Variants in COL9A1 observed in about 807,000 individuals in gnomAD.
COL9A1 encodes the protein collagen alpha-1(IX) chain.
In COL9A1, 104 loss-of-function variants were observed where a neutral mutation model predicts 142.6. The ratio of observed to expected loss-of-function variants is 0.73; its 90% CI spans 0.62 to 0.86. COL9A1 has a LOEUF of 0.86. COL9A1 is among the 40% of genes least tolerant of loss of function. The pLI is 0.00. For missense variants in COL9A1, 1,210 were observed against 1,176.6 expected, an observed-to-expected ratio of 1.03 and a Z score of -0.42; for synonymous variants, 466 against 396.0, an observed-to-expected ratio of 1.18 and a Z score of -2.10.
rs202054376 is a variant in COL9A1, at chr6:70,302,204, CT to C, written c.15-131del. 0.077 allele frequency: 26,860 copies of C among 346,618 alleles called. 7 individuals carry two copies. Among genetic ancestry groups the C allele is most frequent in the Non-Finnish European group, 0.092 (16,972 of 184,090 alleles). 21.5% of individuals were successfully genotyped at this position (346,618 alleles called of 1,614,324 possible). On this transcript the variant is annotated intron_variant, in intron 1 of 37. Transcript: ENST00000357250. ...TCACAGTATAGTTTTTTTTTCATTT[CT>C]TTTTTTTTTTTTTTTTTTTTTTGAG...
intron 36 of COL9A1, among the ~76,000 whole-genome samples, chr6:70,229,098 C>T (rs1002890188): frequency 6.6e-6 from 1 of 152,092 alleles, no homozygotes; most frequent in African/African-American, 2.4e-5. Flanking sequence ...AATGTTGCTT[C>T]GAGGACTAAG....
intron 36 of COL9A1, among the ~76,000 whole-genome samples, 183 bp from the exon 37 acceptor site, chr6:70,226,192 GA>G (rs1446797523): frequency 2.0e-5 from 3 of 152,102 alleles, no homozygotes; most frequent in African/African-American, 4.8e-5. Flanking sequence ...TCTAAGGGGG[GA>G]AAATCAAATT....
At chr6:70,229,369 G>T (rs1769410636) in intron 36 of COL9A1, among the ~76,000 whole-genome samples, 1 of 152,126 alleles carries the variant, frequency 6.6e-6, no homozygotes, top group South Asian at 2.1e-4. Flanking sequence ...TAAAGAGCTT[G>T]TAAAATAAGC....
chr6:70,286,033 C>T (rs1250938608), intron 5 of COL9A1, among the ~76,000 whole-genome samples: 4 of 152,232 alleles, frequency 2.6e-5, no homozygotes, highest in Middle Eastern at 3.4e-3. Context: ...GGACAACAGG[C>T]GCCCACCACC....
chr6:70,281,582 G>A, intron 7 of COL9A1, 118 bp from the exon 8 acceptor site: 7 of 744,056 alleles, frequency 9.4e-6, no homozygotes, highest in Non-Finnish European at 1.5e-5. Flanking sequence ...GAGGAGGCCG[G>A]GTTTTGCAAC....
At chr6:70,224,169 A>G (rs1769077216) in intron 37 of COL9A1, among the ~76,000 whole-genome samples, 1 of 152,218 alleles carries the variant, frequency 6.6e-6, no homozygotes, top group African/African-American at 2.4e-5. Flanking sequence ...AAGCGATCCT[A>G]GGGAGGGCTG....
At chr6:70,299,935 T>A (rs1020551450) in intron 4 of COL9A1, 108 bp downstream of exon 4, 6 of 1,096,700 alleles carry the variant, frequency 5.5e-6, no homozygotes, top group Non-Finnish European at 8.2e-6. Flanking sequence ...TTAAATACAA[T>A]TATAATCCAA....
At chr6:70,292,224 A>G (rs1013249907) in intron 5 of COL9A1, among the ~76,000 whole-genome samples, 2 of 152,138 alleles carry the variant, frequency 1.3e-5, no homozygotes, top group Admixed American at 1.3e-4. Context: ...CACCTCCACC[A>G]TCATCAGCCA....
Position 70,281,377 on chromosome 6 carries a change from G to A in COL9A1, c.876+13C>T, listed in dbSNP as rs117215769. The A allele has an allele frequency of 0.057, 92,573 of 1,610,872 alleles. 3,111 individuals are homozygous for A. The highest frequency in any genetic ancestry group is 0.067 in the Non-Finnish European group (78,814 of 1,177,776). On this transcript the variant is annotated intron_variant, in intron 8 of 37. Transcript: ENST00000357250. Reference sequence around the variant, plus strand: ...GACTGGGGAACAGAGGTGGCCTGGAGATAGAAACTTACGTCGATGCCATCG... The same window carrying A: ...GACTGGGGAACAGAGGTGGCCTGGAAATAGAAACTTACGTCGATGCCATCG...
intron 33 of COL9A1, among the ~76,000 whole-genome samples, chr6:70,235,477 A>G (rs1191043243): frequency 6.6e-6 from 1 of 151,728 alleles, no homozygotes; most frequent in African/African-American, 2.4e-5. Context: ...TAATAATAAT[A>G]ATCTTTCTTT....
At position 70,216,647 on chromosome 6, in the gene COL9A1, T is replaced by G; in HGVS notation, c.*250A>C. ...TATAAATTTATTCAAGGGAGGTGTTTGGTTTTCTTTTTTTTTTTTTAACTG... is the reference window on the plus strand; with the variant it reads ...TATAAATTTATTCAAGGGAGGTGTTGGGTTTTCTTTTTTTTTTTTTAACTG... On this transcript the variant is annotated 3_prime_UTR_variant, in exon 38 of 38. Coordinates refer to ENST00000357250, the MANE Select transcript of COL9A1 (RefSeq NM_001851.6). The G allele has an allele frequency of 3.9e-6, 2 of 517,402 alleles. No individual in the cohort carries two copies. The highest frequency in any genetic ancestry group is 6.9e-6 in the Non-Finnish European group (2 of 289,320). 32.1% of individuals were successfully genotyped at this position (517,402 alleles called of 1,614,324 possible).
intron 36 of COL9A1, among the ~76,000 whole-genome samples, chr6:70,229,439 G>A (rs866735152): frequency 2.6e-5 from 4 of 152,208 alleles, no homozygotes; most frequent in Admixed American, 6.5e-5. Flanking sequence ...CATTATGAAC[G>A]AGTGGAAATT....
Position 70,280,862 on chromosome 6 carries a change from CA to C in COL9A1, c.924del (p.Glu309AsnfsTer19), listed in dbSNP as rs1331918224. On this transcript the variant is annotated frameshift_variant, in exon 10 of 38. Transcript: ENST00000357250. LOFTEE classifies it high-confidence loss of function. ...KGPPGPPGPAGEPGKPGAPGK... is the reference protein window; with the variant it reads ...KGPPGPPGPAXEPGKPGAPGK... ...CCTGGAGCTCCTGGCTTTCCCGGTT[CA>C]CCTGCAGGACCCTGAGCAGGGGCAG... 1 of 1,613,532 alleles carries C rather than the reference CA, an allele frequency of 6.2e-7. No individual in the cohort carries two copies.
intron 11 of COL9A1, 120 bp downstream of exon 11, chr6:70,274,599 T>C: frequency 3.8e-6 from 3 of 796,150 alleles, no homozygotes; most frequent in Middle Eastern, 2.3e-4. Context: ...AACACAATTT[T>C]AGTTGAACGA....
chr6:70,252,673 TACCTCACATTAA>T (rs1393098724), intron 26 of COL9A1, among the ~76,000 whole-genome samples: 1 of 152,174 alleles, frequency 6.6e-6, no homozygotes, highest in Non-Finnish European at 1.5e-5. Context: ...TGAGTCTTTC[TACCTCACATTAA>T]ACTATTGAAA....
At chr6:70,286,676 A>G (rs914958318) in intron 5 of COL9A1, among the ~76,000 whole-genome samples, 1 of 152,148 alleles carries the variant, frequency 6.6e-6, no homozygotes, top group Non-Finnish European at 1.5e-5. Flanking sequence ...ATCATGAAAG[A>G]CCTCCTCCAA....
At chr6:70,293,672 C>CAT (rs1562330895) in intron 5 of COL9A1, among the ~76,000 whole-genome samples, 14 of 144,664 alleles carry the variant, frequency 9.7e-5, no homozygotes, top group African/African-American at 2.9e-4. Flanking sequence ...CACACACACA[C>CAT]ACATTTTCAT....
intron 37 of COL9A1, among the ~76,000 whole-genome samples, chr6:70,220,012 C>A (rs532738653): frequency 1.3e-5 from 2 of 152,256 alleles, no homozygotes; most frequent in African/African-American, 4.8e-5. Context: ...CAAATTGCTG[C>A]TTATCCTCTG....
rs200593811 is a variant in COL9A1, at chr6:70,300,135, T to C, written c.207A>G (p.Ala69=). ...LISQFQVDKA[A]SRRAIQRVVG... Reference sequence around the variant, plus strand: ...CTACTCTCTGGATAGCTCTTCTAGATGCTGCTTTATCTACCTGGAACTGAG... The same window carrying C: ...CTACTCTCTGGATAGCTCTTCTAGACGCTGCTTTATCTACCTGGAACTGAG... Residue 69 remains alanine (A), a synonymous_variant, in exon 4 of 38, where the codon GCA becomes GCG. Transcript: ENST00000357250. The C allele has an allele frequency of 6.2e-7, 1 of 1,613,960 alleles. No individual in the cohort carries two copies. Among genetic ancestry groups the C allele is most frequent in the Admixed American group, 1.7e-5 (1 of 60,028 alleles).
Sources: allele counts gnomAD v4.1 joint callset (sites outside exome capture counted in the v4.1 genomes callset), GRCh38; gene constraint gnomAD v4.1.1; transcripts MANE v1.5; gene names NCBI Gene and HGNC (gene_info 2026-07-23, HGNC 2026-07-21).